Variants in CACNA2D1 observed in about 807,000 individuals in gnomAD.
CACNA2D1 encodes the protein voltage-dependent calcium channel subunit alpha-2/delta-1.
In CACNA2D1, 53 loss-of-function variants were observed where a neutral mutation model predicts 171.5. The observed-to-expected ratio is 0.31, with a 90% confidence interval of 0.25 to 0.39. CACNA2D1 has a LOEUF of 0.39. Among genes scored for constraint, CACNA2D1 ranks in the 10% least tolerant of loss-of-function variants. The pLI, the probability that CACNA2D1 is intolerant of heterozygous loss-of-function variation, is 1.00. For synonymous variants in CACNA2D1, 442 were observed against 443.1 expected, an observed-to-expected ratio of 1.00 and a Z score of 0.03; for missense variants, 903 against 1,299.8, an observed-to-expected ratio of 0.69 and a Z score of 4.69.
chr7:82,053,113 G>A (rs958113312), intron 10 of CACNA2D1, among the ~76,000 whole-genome samples: 15 of 152,014 alleles, frequency 9.9e-5, no homozygotes, highest in African/African-American at 3.6e-4. Flanking sequence ...GTAGCCGGGC[G>A]TGGTGGCGGG....
At chr7:82,020,223 G>A (rs1801016548) in intron 12 of CACNA2D1, among the ~76,000 whole-genome samples, 1 of 152,100 alleles carries the variant, frequency 6.6e-6, no homozygotes, top group South Asian at 2.1e-4. Flanking sequence ...GCAGGCTCCT[G>A]GGTGGGCAAA....
In CACNA2D1 at chr7:82,366,454, T is replaced by C. The variant is rs551097189; in HGVS notation, c.96-16805A>G. On this transcript the variant is annotated intron_variant, in intron 1 of 38. Coordinates refer to ENST00000356860, the MANE Select transcript of CACNA2D1 (RefSeq NM_000722.4). ...GTGCACCCAATGTTCACCTCCCACT[T>C]ATATCAGTGAAAGGATGTGGTATTT... Among the ~76,000 whole-genome samples the C allele has an allele frequency of 1.4e-4, 22 of 152,278 alleles. No individual in the cohort carries two copies. The South Asian group carries it at 4.6e-3, about 32-fold the overall frequency.
intron 1 of CACNA2D1, among the ~76,000 whole-genome samples, chr7:82,403,079 A>T (rs1826621809): frequency 6.6e-6 from 1 of 152,150 alleles, no homozygotes; most frequent in South Asian, 2.1e-4. Context: ...AGCGAATTCT[A>T]AATGTTCTAA....
intron 38 of CACNA2D1, among the ~76,000 whole-genome samples, chr7:81,952,970 T>A (rs1278438955): frequency 6.6e-6 from 1 of 151,988 alleles, no homozygotes; most frequent in Non-Finnish European, 1.5e-5. Flanking sequence ...CATGGCATGA[T>A]CTTGACCTCC....
At chr7:82,186,538 A>C (rs1057184370) in intron 3 of CACNA2D1, among the ~76,000 whole-genome samples, 3 of 152,176 alleles carry the variant, frequency 2.0e-5, no homozygotes, top group Admixed American at 2.0e-4. Context: ...GGCATAGACC[A>C]TCCATAGAAG....
chr7:82,006,239 T>A (rs1799105659), intron 16 of CACNA2D1, among the ~76,000 whole-genome samples: 1 of 152,044 alleles, frequency 6.6e-6, no homozygotes, highest in South Asian at 2.1e-4. Flanking sequence ...AATGTCCAGC[T>A]TAAAGATTAT....
chr7:82,050,928 C>T (rs1210751413), intron 10 of CACNA2D1: 7 of 335,764 alleles, frequency 2.1e-5, no homozygotes, highest in African/African-American at 1.3e-4. Flanking sequence ...TCCAAAGCTG[C>T]ACAGTTATTC....
At chr7:82,235,268 A>G (rs1803436353) in intron 3 of CACNA2D1, among the ~76,000 whole-genome samples, 2 of 152,186 alleles carry the variant, frequency 1.3e-5, no homozygotes, top group South Asian at 4.1e-4. Flanking sequence ...AGATAAAAAT[A>G]TAACATTTGT....
chr7:82,334,177 A>G (rs1326297024), intron 3 of CACNA2D1, among the ~76,000 whole-genome samples: 1 of 152,202 alleles, frequency 6.6e-6, no homozygotes, highest in Non-Finnish European at 1.5e-5. Context: ...TAAGAAGTGT[A>G]ACACTTCCAC....
chr7:82,306,815 A>G (rs1256861838), intron 3 of CACNA2D1, among the ~76,000 whole-genome samples: 1 of 152,128 alleles, frequency 6.6e-6, no homozygotes, highest in Non-Finnish European at 1.5e-5. Flanking sequence ...TACATTTAAA[A>G]GAAAACCTTT....
At chr7:82,105,985 A>G (rs951820568) in intron 6 of CACNA2D1, among the ~76,000 whole-genome samples, 1 of 152,170 alleles carries the variant, frequency 6.6e-6, no homozygotes, top group Admixed American at 6.5e-5. Context: ...TTAAAATAAC[A>G]TTATTCATTA....
At chr7:82,374,632 T>C (rs1471169293) in intron 1 of CACNA2D1, among the ~76,000 whole-genome samples, 1 of 152,100 alleles carries the variant, frequency 6.6e-6, no homozygotes, top group Non-Finnish European at 1.5e-5. Context: ...GAATGAAAGG[T>C]ACCAGCATTC....
intron 1 of CACNA2D1, among the ~76,000 whole-genome samples, chr7:82,416,046 C>T (rs539057188): frequency 1.3e-5 from 2 of 151,982 alleles, no homozygotes; most frequent in South Asian, 4.2e-4. Flanking sequence ...GAAACCTCAT[C>T]TCTACTAAAA....
At chr7:82,239,467 A>C (rs1188576032) in intron 3 of CACNA2D1, among the ~76,000 whole-genome samples, 1 of 152,144 alleles carries the variant, frequency 6.6e-6, no homozygotes, top group Non-Finnish European at 1.5e-5. Context: ...CATTTCCTTA[A>C]AGTTTCTCAT....
At chr7:82,035,709 G>A (rs1249039798) in intron 11 of CACNA2D1, among the ~76,000 whole-genome samples, 2 of 151,988 alleles carry the variant, frequency 1.3e-5, no homozygotes, top group Non-Finnish European at 2.9e-5. Flanking sequence ...GCAATGAAGT[G>A]AGGGGAAAAA....
At chr7:82,082,057 A>C (rs1809846785) in intron 7 of CACNA2D1, among the ~76,000 whole-genome samples, 1 of 152,144 alleles carries the variant, frequency 6.6e-6, no homozygotes, top group African/African-American at 2.4e-5. Flanking sequence ...CAGCATGCTA[A>C]TTAGTTCTTT....
intron 3 of CACNA2D1, among the ~76,000 whole-genome samples, chr7:82,183,036 TAAA>T (rs34429630): frequency 8.2e-5 from 11 of 134,462 alleles, no homozygotes; most frequent in African/African-American, 1.1e-4. Context: ...GACTCCATCT[TAAA>T]AAAAAAAAAA....
chr7:82,114,761 A>G (rs1370276505), intron 6 of CACNA2D1, among the ~76,000 whole-genome samples: 5 of 36,220 alleles, frequency 1.4e-4, no homozygotes, highest in African/African-American at 8.6e-4. Flanking sequence ...GTCCCAGAAG[A>G]AAAAAAAAAA....
chr7:82,170,656 T>C, intron 3 of CACNA2D1, 47 bp from the exon 4 acceptor site: 3 of 1,535,124 alleles, frequency 2.0e-6, no homozygotes, highest in Non-Finnish European at 2.7e-6. Flanking sequence ...ACACGTAATA[T>C]GGAATTGTTA....
Sources: gnomAD v4.1 joint callset for allele counts (sites outside exome capture counted in the v4.1 genomes callset) on GRCh38, gnomAD v4.1.1 for gene constraint, MANE v1.5 for transcripts, NCBI Gene and HGNC (gene_info 2026-07-23, HGNC 2026-07-21) for gene names.